Variants in DCAF15 observed in about 807,000 individuals in gnomAD.
DCAF15 encodes DDB1- and CUL4-associated factor 15.
In DCAF15, 24 loss-of-function variants were observed where a neutral mutation model predicts 68.0. The ratio of observed to expected loss-of-function variants is 0.35; its 90% CI spans 0.26 to 0.50. DCAF15 has a LOEUF of 0.50. DCAF15 is among the 20% of genes least tolerant of loss of function. The pLI, the probability that DCAF15 is intolerant of heterozygous loss-of-function variation, is 0.98. For synonymous variants in DCAF15, 376 were observed against 341.6 expected (o/e 1.10, Z -1.11); for missense variants, 627 against 830.6 (o/e 0.75, Z 3.01).
chr19:13,960,418 A>C, intron 11 of DCAF15, 27 bp downstream of exon 11: 1 of 1,613,052 alleles, frequency 6.2e-7, no homozygotes, highest in South Asian at 1.1e-5. Flanking sequence ...GGGCAGGGTC[A>C]GGGCGCGGCC....
chr19:13,957,413 C>T (rs1439777812), intron 6 of DCAF15, among the ~76,000 whole-genome samples: 2 of 152,114 alleles, frequency 1.3e-5, no homozygotes, highest in Non-Finnish European at 2.9e-5. Context: ...ATGTCCAAGA[C>T]TGCTGAGGGG....
chr19:13,960,325 A>C lies in DCAF15; in HGVS notation c.1565A>C (p.Asp522Ala). 1.2e-6 allele frequency: 2 copies of C among 1,614,006 alleles called. No homozygotes were observed. Among genetic ancestry groups the C allele is most frequent in the Non-Finnish European group, 1.7e-6 (2 of 1,180,020 alleles). ...CACACCAGCCTCAAGGTGGCATGGG[A>C]CCTCAACACAGGGATCTTCGAGACA... ...TYHTSLKVAW[D>A]LNTGIFETVS... The change falls in exon 11 of 13, where the codon GAC becomes GCC. Residue 522 changes from aspartate (D) to alanine (A), a missense_variant. Transcript: ENST00000254337.
chr19:13,956,201 C>T lies in DCAF15; in HGVS notation c.552C>T (p.Thr184=), dbSNP rs756188411. 65 of 1,611,688 alleles carry T rather than the reference C, an allele frequency of 4.0e-5. No homozygotes were observed. The highest frequency in any genetic ancestry group is 6.7e-5 in the African/African-American group (5 of 74,910). The part of the protein sequence containing the change: ...DENHRDIYVS[T]VAVPPPGRCA... ...ACCACCGTGACATCTACGTCAGCAC[C>T]GTGGCCGTGCCACCGCCAGGCCGCT... Residue 184 remains threonine (T), a synonymous_variant, in exon 5 of 13, where the codon ACC becomes ACT. Transcript: ENST00000254337.
chr19:13,952,681 G>T, intron 1 of DCAF15, 37 bp downstream of exon 1: 4 of 1,294,776 alleles, frequency 3.1e-6, no homozygotes, highest in Non-Finnish European at 3.9e-6. Flanking sequence ...CGCGCCGGAG[G>T]GTGGGGAGTA....
At chr19:13,958,067 C>T (rs1048128605) in intron 6 of DCAF15, among the ~76,000 whole-genome samples, 8 of 152,136 alleles carry the variant, frequency 5.3e-5, no homozygotes, top group African/African-American at 9.7e-5. Flanking sequence ...GGCTTTCTGT[C>T]CTCACCCCCA....
In DCAF15 at chr19:13,955,907, C is replaced by T. The variant is rs749224926; in HGVS notation, c.367-5C>T. ...CCCGGTGCTGCCCCTGAACGTGCCT[C>T]ACAGGTCCGGCAGGTTCGGCTATTC... On this transcript the variant is annotated splice_region_variant and splice_polypyrimidine_tract_variant and intron_variant, in intron 3 of 12. Coordinates refer to ENST00000254337, the MANE Select transcript of DCAF15 (RefSeq NM_138353.4). The T allele has an allele frequency of 5.9e-5, 95 of 1,613,530 alleles. No individual in the cohort carries two copies. The highest frequency in any genetic ancestry group is 6.4e-5 in the Non-Finnish European group (75 of 1,179,954).
chr19:13,959,946 C>T lies in DCAF15; in HGVS notation c.1441-38C>T, dbSNP rs376806543. 2.3e-5 allele frequency: 31 copies of T among 1,365,128 alleles called. No homozygotes were observed. The South Asian group carries it at 2.3e-4, about 10-fold the overall frequency. 84.6% of individuals were successfully genotyped at this position (1,365,128 alleles called of 1,614,324 possible). A position where few individuals can be genotyped will look rare whatever the true frequency, so the allele number is the denominator to read the frequency against. The stretch of plus-strand genomic sequence containing the variant: ...CCCAGGGCCTCCTGTACTCTGGGGT[C>T]GCCCTCAACAGTTGGCATCATCCAC... On this transcript the variant is annotated intron_variant, in intron 9 of 12. Coordinates refer to ENST00000254337, the MANE Select transcript of DCAF15 (RefSeq NM_138353.4).
chr19:13,960,205 CAA>C (rs1973557466), intron 10 of DCAF15, 80 bp from the exon 11 acceptor site: 1 of 1,568,474 alleles, frequency 6.4e-7, no homozygotes. Flanking sequence ...GTTCCAAAGA[CAA>C]AAGGCCCTCA....
rs1339644897 is a variant in DCAF15 at position 13,953,100 on chromosome 19, G to A, written c.132+456G>A. The A allele has an allele frequency of 1.9e-6, 3 of 1,550,622 alleles. No homozygotes were observed. The African/African-American group carries it at 4.1e-5, about 21-fold the overall frequency. On this transcript the variant is annotated intron_variant, in intron 1 of 12. Transcript: ENST00000254337. ...CCCTGCCCAAGCCCCGACCACACAT[G>A]AGCTGGGAGTTCCAGTACCTGGGTG...
intron 6 of DCAF15, among the ~76,000 whole-genome samples, chr19:13,958,687 C>G (rs781278712): frequency 1.3e-5 from 2 of 152,042 alleles, no homozygotes; most frequent in Non-Finnish European, 2.9e-5. Flanking sequence ...CACAAGATGT[C>G]CCTCGACAGA....
Position 13,959,569 on chromosome 19 carries a change from C to T in DCAF15, c.1220-13C>T. On this transcript the variant is annotated splice_polypyrimidine_tract_variant and intron_variant, in intron 7 of 12. Transcript: ENST00000254337. Reference sequence around the variant, plus strand: ...GCCTCCCTCCACCCCACCCCCACTTCCTGCCTCCCCAGAGTTGGAGGACGA... The same window carrying T: ...GCCTCCCTCCACCCCACCCCCACTTTCTGCCTCCCCAGAGTTGGAGGACGA... 6.5e-7 allele frequency: 1 copy of T among 1,548,304 alleles called. No individual in the cohort carries two copies. The highest frequency in any genetic ancestry group is 8.8e-7 in the Non-Finnish European group (1 of 1,131,240).
rs780334589 is a variant in DCAF15, at chr19:13,959,614, G to A, written c.1252G>A (p.Val418Met). The A allele has an allele frequency of 7.4e-6, 12 of 1,612,784 alleles. 1 individual carries two copies. Among genetic ancestry groups the A allele is most frequent in the Admixed American group, 6.7e-5 (4 of 59,948 alleles). The part of the protein sequence containing the change: ...LEDDKISLPF[V>M]VTDLRGRNLR... ...GGACGACAAGATCTCCCTGCCCTTC[G>A]TGGTGACTGATCTTCGTGGCCGCAA... The change falls in exon 8 of 13, where the codon GTG becomes ATG. Residue 418 changes from valine (V) to methionine (M), a missense_variant. Physicochemically the swap from Val to Met is conservative, Grantham distance 21. This residue lies in a region of DCAF15 where 236 missense variants were observed against 225.1 expected (regional missense o/e 1.05). Transcript: ENST00000254337.
In DCAF15 at chr19:13,961,106, C is replaced by G; in HGVS notation, c.*111C>G. 3.0e-6 allele frequency: 4 copies of G among 1,325,594 alleles called. No individual in the cohort carries two copies. The highest frequency in any genetic ancestry group is 4.3e-6 in the Non-Finnish European group (4 of 940,804). 82.1% of individuals were successfully genotyped at this position (1,325,594 alleles called of 1,614,324 possible). A position where few individuals can be genotyped will look rare whatever the true frequency, so the allele number is the denominator to read the frequency against. On this transcript the variant is annotated 3_prime_UTR_variant, in exon 13 of 13. Coordinates refer to ENST00000254337, the MANE Select transcript of DCAF15 (RefSeq NM_138353.4). ...CTGGCCCACCGACTGATGACCGGCACTAGTGTTAGCCTGCGGAACGGGGCT... is the reference window on the plus strand; with the variant it reads ...CTGGCCCACCGACTGATGACCGGCAGTAGTGTTAGCCTGCGGAACGGGGCT...
At chr19:13,954,251 C>A in intron 1 of DCAF15, 89 bp from the exon 2 acceptor site, 2 of 1,152,296 alleles carry the variant, frequency 1.7e-6, no homozygotes, top group Non-Finnish European at 2.5e-6. Context: ...GGTCTGGACC[C>A]GGTGAGAGCC....
chr19:13,961,444 A>C lies in DCAF15; in HGVS notation c.*449A>C, dbSNP rs2145512369. 1 of 177,576 alleles carries C rather than the reference A, an allele frequency of 5.6e-6. No homozygotes were observed. The highest frequency in any genetic ancestry group is 1.2e-5 in the Non-Finnish European group (1 of 82,092). 11.0% of individuals were successfully genotyped at this position (177,576 alleles called of 1,614,324 possible). On this transcript the variant is annotated 3_prime_UTR_variant, in exon 13 of 13. Transcript: ENST00000254337. ...ATGTAATAAATGTTTTAATTTCTGAACCTCATTGAGGTCCTGTCACTGCAG... is the reference window on the plus strand; with the variant it reads ...ATGTAATAAATGTTTTAATTTCTGACCCTCATTGAGGTCCTGTCACTGCAG...
chr19:13,960,257 G>C (rs1268048559), intron 10 of DCAF15, 30 bp from the exon 11 acceptor site: 1 of 1,607,800 alleles, frequency 6.2e-7, no homozygotes, highest in South Asian at 1.1e-5. Context: ...GGCTGTCCCA[G>C]CGTTTGTCCT....
In DCAF15 at chr19:13,960,100, A is replaced by T. The variant is rs372278353; in HGVS notation, c.1526+31A>T. 2.6e-5 allele frequency: 42 copies of T among 1,610,806 alleles called. No homozygotes were observed. The African/African-American group carries it at 3.2e-4, about 12-fold the overall frequency. On this transcript the variant is annotated intron_variant, in intron 10 of 12. Transcript: ENST00000254337. ...CGCGGGGATCCTGCCCTCTCTGTCC[A>T]CTAGGGGGGCCACTGGCAGACACTT...
Position 13,959,382 on chromosome 19 carries a change from CCCTGCCTCGGAGGCA to C in DCAF15, c.1131_1145del (p.Ala379_Glu383del), listed in dbSNP as rs778644383. ...GAGAGACGGCACCCCGGGACAGCCC[CCCTGCCTCGGAGGCA>C]CCTGCCTCCGAGCCTGGCTATGTCA... is the stretch of plus-strand genomic sequence containing the variant. On this transcript the variant is annotated inframe_deletion, in exon 7 of 13. Transcript: ENST00000254337. The C allele has an allele frequency of 1.2e-6, 2 of 1,605,906 alleles. No individual in the cohort carries two copies. Among genetic ancestry groups the C allele is most frequent in the South Asian group, 1.1e-5 (1 of 91,086 alleles).
chr19:13,957,512 A>T (rs559412068), intron 6 of DCAF15, among the ~76,000 whole-genome samples: 1 of 152,328 alleles, frequency 6.6e-6, no homozygotes, highest in South Asian at 2.1e-4. Context: ...TGGAACACCA[A>T]TGAAGGCCCC....
Sources: gnomAD v4.1 joint callset for allele counts (sites outside exome capture counted in the v4.1 genomes callset) on GRCh38, gnomAD v4.1.1 for gene constraint, gnomAD v4.1.1 regional missense constraint, MANE v1.5 for transcripts, NCBI Gene and HGNC (gene_info 2026-07-23, HGNC 2026-07-21) for gene names.